DCAF1: variants seen among roughly 807,000 people sequenced by gnomAD.
The protein encoded by DCAF1 is DDB1- and CUL4-associated factor 1.
Under a neutral mutation model 128.0 loss-of-function variants are expected in DCAF1, and 15 were observed. The ratio of observed to expected loss-of-function variants is 0.12; its 90% CI spans 0.08 to 0.18. The LOEUF (loss-of-function observed/expected upper bound fraction) is 0.18. DCAF1 is among the 10% of genes least tolerant of loss of function. The pLI, the probability that DCAF1 is intolerant of heterozygous loss-of-function variation, is 1.00. For missense variants in DCAF1, 988 were observed against 1,649.5 expected, an observed-to-expected ratio of 0.60 and a Z score of 6.95; for synonymous variants, 610 against 603.0, an observed-to-expected ratio of 1.01 and a Z score of -0.17.
rs1577112901 is a variant in DCAF1 at position 51,428,330 on chromosome 3, C to CT, written c.1678-790_1678-789insA. The stretch of plus-strand genomic sequence containing the variant: ...AGCTGACACAGGTGTACCACCATGC[C>CT]CTTTTTTTTTTTTTTTTTTTTGAGA... On this transcript the variant is annotated intron_variant, in intron 12 of 24. Transcript: ENST00000684031. Among the ~76,000 whole-genome samples, 3 of 96,448 alleles carry CT rather than the reference C, an allele frequency of 3.1e-5. No homozygotes were observed. The East Asian group carries it at 1.0e-3, about 33-fold the overall frequency. 63.3% of individuals were successfully genotyped at this position (96,448 alleles called of 152,430 possible). A position where few individuals can be genotyped will look rare whatever the true frequency, so the allele number is the denominator to read the frequency against.
intron 9 of DCAF1, among the ~76,000 whole-genome samples, chr3:51,439,294 A>G (rs1701141744): frequency 6.6e-6 from 1 of 151,546 alleles, no homozygotes; most frequent in Non-Finnish European, 1.5e-5. Context: ...ACGCCAGGCT[A>G]ATTTTTGTAT....
chr3:51,445,875 T>G (rs1701799711), intron 6 of DCAF1, among the ~76,000 whole-genome samples: 1 of 152,220 alleles, frequency 6.6e-6, no homozygotes. Flanking sequence ...TTAATTTGAA[T>G]GTCCTTGTTT....
At chr3:51,439,276 A>G (rs1478192523) in intron 9 of DCAF1, among the ~76,000 whole-genome samples, 1 of 147,196 alleles carries the variant, frequency 6.8e-6, no homozygotes, top group Non-Finnish European at 1.5e-5. Context: ...TTACAGGTGC[A>G]AGATACCACG....
At chr3:51,492,776 C>T (rs1164072594) in intron 2 of DCAF1, among the ~76,000 whole-genome samples, 2 of 151,672 alleles carry the variant, frequency 1.3e-5, no homozygotes, top group East Asian at 2.0e-4. Flanking sequence ...AGGCGGATCG[C>T]GAGGTCAGGA....
At position 51,418,887 on chromosome 3, in the gene DCAF1, AAAAG is replaced by A. The variant is rs781855560; in HGVS notation, c.3237-15_3237-12del. 3.1e-6 allele frequency: 5 copies of A among 1,595,094 alleles called. No homozygotes were observed. Among genetic ancestry groups the A allele is most frequent in the Non-Finnish European group, 3.4e-6 (4 of 1,170,184 alleles). ...GAAATAGGACGGAATCTAAGCAAAA[AAAAG>A]AGAGAATCACAGGCAAAGAATGTGC... On this transcript the variant is annotated splice_polypyrimidine_tract_variant and intron_variant, in intron 15 of 24. Coordinates refer to ENST00000684031, the MANE Select transcript of DCAF1 (RefSeq NM_001387579.1).
chr3:51,403,445 A>G, intron 23 of DCAF1, 50 bp from the exon 24 acceptor site: 2 of 1,541,928 alleles, frequency 1.3e-6, no homozygotes, highest in Non-Finnish European at 1.8e-6. Context: ...GGCCTGACCC[A>G]TGGGGGCCAC....
At chr3:51,456,137 C>T (rs573491070) in intron 6 of DCAF1, among the ~76,000 whole-genome samples, 1 of 152,212 alleles carries the variant, frequency 6.6e-6, no homozygotes, top group Non-Finnish European at 1.5e-5. Context: ...CATAAGGGGT[C>T]AGGGAATTCC....
At chr3:51,492,191 T>C (rs1707737353) in intron 2 of DCAF1, among the ~76,000 whole-genome samples, 1 of 151,624 alleles carries the variant, frequency 6.6e-6, no homozygotes, top group African/African-American at 2.4e-5. Flanking sequence ...CAATTGGATA[T>C]TATCCCACAA....
chr3:51,499,612 G>A (rs1188048699), intron 1 of DCAF1, among the ~76,000 whole-genome samples: 1 of 151,656 alleles, frequency 6.6e-6, no homozygotes, highest in South Asian at 2.1e-4. Context: ...GGGCGGAAGA[G>A]TTACTCTCGG....
At chr3:51,486,363 T>TA (rs1390448976) in intron 2 of DCAF1, among the ~76,000 whole-genome samples, 2 of 151,634 alleles carry the variant, frequency 1.3e-5, no homozygotes. Context: ...AGCTTATTTT[T>TA]ATTTTTATTA....
chr3:51,460,661 T>C (rs1367862082), intron 6 of DCAF1, among the ~76,000 whole-genome samples: 3 of 152,150 alleles, frequency 2.0e-5, no homozygotes, highest in East Asian at 3.9e-4. Flanking sequence ...CTTCAAACTA[T>C]ACTACAAGGC....
intron 4 of DCAF1, 130 bp from the exon 5 acceptor site, chr3:51,467,006 CAA>C (rs1704193773): frequency 1.7e-5 from 12 of 703,980 alleles, no homozygotes; most frequent in Non-Finnish European, 2.7e-5. Flanking sequence ...TAATCAGAAA[CAA>C]AAGATTATTG....
At chr3:51,504,091 G>T (rs1708885039), upstream of DCAF1, among the ~76,000 whole-genome samples, 1 of 149,424 alleles carries the variant, frequency 6.7e-6, no homozygotes, top group African/African-American at 2.5e-5. Context: ...AGGCTGGAGT[G>T]CAGTGGCACA....
chr3:51,413,906 G>A lies in DCAF1; in HGVS notation c.3931+44C>T, dbSNP rs1553629412. On this transcript the variant is annotated intron_variant, in intron 20 of 24. Transcript: ENST00000684031. ...AAGAAGTATCAAATTAAGTGAAGGG[G>A]TAGAGCAAAAGGAAAGAGAATAATG... The A allele has an allele frequency of 5.6e-6, 8 of 1,425,756 alleles. No individual in the cohort carries two copies. The South Asian group carries it at 6.8e-5, about 12-fold the overall frequency. 88.3% of individuals were successfully genotyped at this position (1,425,756 alleles called of 1,614,324 possible).
chr3:51,469,871 C>T (rs73078654), intron 4 of DCAF1, among the ~76,000 whole-genome samples: 8,882 of 151,976 alleles, frequency 0.058, 391 homozygotes, highest in Admixed American at 0.11. Context: ...AAGTGCAAAA[C>T]TTAGCCGACT....
At chr3:51,482,076 A>G (rs1163797621) in intron 3 of DCAF1, among the ~76,000 whole-genome samples, 2 of 152,152 alleles carry the variant, frequency 1.3e-5, no homozygotes, top group African/African-American at 2.4e-5. Flanking sequence ...GCATTAAGTT[A>G]TGAATAAATG....
chr3:51,461,465 G>C (rs2108030468), intron 6 of DCAF1, among the ~76,000 whole-genome samples: 1 of 152,204 alleles, frequency 6.6e-6, no homozygotes. Flanking sequence ...CTGTTGGTGG[G>C]ACTGTAAACT....
At chr3:51,440,151 T>C (rs782452875) in intron 9 of DCAF1, 13 of 511,008 alleles carry the variant, frequency 2.5e-5, no homozygotes, top group Non-Finnish European at 4.3e-5. Context: ...TTCAGCCTTT[T>C]AGATTAACAC....
chr3:51,491,774 G>A (rs1553658082), intron 2 of DCAF1, among the ~76,000 whole-genome samples: 21 of 152,124 alleles, frequency 1.4e-4, no homozygotes. Flanking sequence ...GAATCCAGGA[G>A]GCGGAGGTTG....
Sources: gnomAD v4.1 joint callset for allele counts (sites outside exome capture counted in the v4.1 genomes callset) on GRCh38, gnomAD v4.1.1 for gene constraint, MANE v1.5 for transcripts, NCBI Gene and HGNC (gene_info 2026-07-23, HGNC 2026-07-21) for gene names.